ZNF718: variants seen among roughly 807,000 people sequenced by gnomAD.
ZNF718 encodes the protein zinc finger protein 718.
Under a neutral mutation model 2.6 loss-of-function variants are expected in ZNF718, and 3 were observed. The ratio of observed to expected loss-of-function variants is 1.16; its 90% CI spans 0.53 to 3.01. The LOEUF is 3.01. ZNF718 is among the 30% of genes most tolerant of loss of function. The probability of loss-of-function intolerance (pLI) is 0.03; values close to 1 mark genes in which losing one functional copy is unlikely to be tolerated. For synonymous variants in ZNF718, 135 were observed against 77.9 expected (o/e 1.73, Z -3.86); for missense variants, 468 against 230.0 (o/e 2.03, Z -6.69).
intron 3 of ZNF718, among the ~76,000 whole-genome samples, chr4:142,475 T>C (rs1481461270): frequency 6.6e-6 from 1 of 152,142 alleles, no homozygotes; most frequent in African/African-American, 2.4e-5. Context: ...AAACAAAACA[T>C]TGGTTCACTC....
intron 3 of ZNF718, among the ~76,000 whole-genome samples, chr4:148,385 G>A (rs2108793182): frequency 6.6e-6 from 1 of 152,010 alleles, no homozygotes; most frequent in South Asian, 2.1e-4. Context: ...AAGGTGGGCG[G>A]ACCACCTGAG....
intron 3 of ZNF718, among the ~76,000 whole-genome samples, chr4:189,061 T>G (rs1410006023): frequency 7.6e-6 from 1 of 132,060 alleles, no homozygotes; most frequent in African/African-American, 3.6e-5. Flanking sequence ...TGTAGATTAT[T>G]TTTTTTTTTT....
chr4:186,987 T>G (rs1553820540), intron 3 of ZNF718, among the ~76,000 whole-genome samples: 1 of 152,210 alleles, frequency 6.6e-6, no homozygotes, highest in Non-Finnish European at 1.5e-5. Context: ...TGGTGCACCC[T>G]TACTTTTTGA....
chr4:148,763 T>A (rs1716186183), intron 3 of ZNF718, among the ~76,000 whole-genome samples: 1 of 152,070 alleles, frequency 6.6e-6, no homozygotes, highest in African/African-American at 2.4e-5. Flanking sequence ...TTGGGCTAAT[T>A]TATAGATCAC....
At chr4:198,337 G>A (rs1217863965) in intron 3 of ZNF718, among the ~76,000 whole-genome samples, 1 of 152,190 alleles carries the variant, frequency 6.6e-6, no homozygotes, top group African/African-American at 2.4e-5. Flanking sequence ...GAGGCATGAA[G>A]CCCTGTGATT....
At position 157,099 on chromosome 4, in the gene ZNF718, CTTTCTTT is replaced by C. The variant is rs1341359739; in HGVS notation, c.227-3809_227-3803del. Among the ~76,000 whole-genome samples the C allele has an allele frequency of 9.2e-4, 54 of 58,892 alleles. 3 individuals carry two copies. The highest frequency in any genetic ancestry group is 7.0e-3 in the South Asian group (12 of 1,726). 38.6% of individuals were successfully genotyped at this position (58,892 alleles called of 152,430 possible). On this transcript the variant is annotated intron_variant, in intron 3 of 3. Coordinates refer to ENST00000510175, the MANE Select transcript of ZNF718 (RefSeq NM_001039127.6). ...TTTTTTTCTTTTTGTTTCTTTCTTTCTTTCTTTTTTTTTTTTTTTTTTTTTTTTTTTT... is the reference window on the plus strand; with the variant it reads ...TTTTTTTCTTTTTGTTTCTTTCTTTCTTTTTTTTTTTTTTTTTTTTTTTTT...
At chr4:158,778 A>G (rs1553814242) in intron 3 of ZNF718, among the ~76,000 whole-genome samples, 1 of 151,930 alleles carries the variant, frequency 6.6e-6, no homozygotes, top group Non-Finnish European at 1.5e-5. Context: ...TGATAATGAT[A>G]TAGAACTTTA....
intron 3 of ZNF718, among the ~76,000 whole-genome samples, chr4:199,572 AT>A (rs1359867028): frequency 6.6e-6 from 1 of 152,238 alleles, no homozygotes; most frequent in Admixed American, 6.5e-5. Context: ...CTAATTTAGG[AT>A]TTTAGTCCTG....
intron 1 of ZNF718, among the ~76,000 whole-genome samples, 177 bp from the exon 2 acceptor site, chr4:130,611 G>A (rs1715325943): frequency 2.0e-5 from 2 of 102,066 alleles, no homozygotes; most frequent in Non-Finnish European, 2.2e-5. Flanking sequence ...GCATGGTGGC[G>A]GGTGCCTGTA....
intron 3 of ZNF718, among the ~76,000 whole-genome samples, chr4:157,103 C>CTTTTTTTTTTTTTTTTTTT (rs199814257): frequency 1.9e-5 from 2 of 103,142 alleles, no homozygotes; most frequent in African/African-American, 4.0e-5. Flanking sequence ...TTCTTTCTTT[C>CTTTTTTTTTTTTTTTTTTT]TTTTTTTTTT....
chr4:148,586 A>G (rs756829007), intron 3 of ZNF718, among the ~76,000 whole-genome samples: 147,144 of 147,206 alleles, frequency 1, 73,541 homozygotes, highest in Middle Eastern at 1. Flanking sequence ...TCTGCAGCCA[A>G]GGTGACAGAG....
chr4:162,074 C>T lies in ZNF718; in HGVS notation c.1389C>T (p.Tyr463=), dbSNP rs1553815587. 1.3e-6 allele frequency: 1 copy of T among 771,244 alleles called. No individual in the cohort carries two copies. Among genetic ancestry groups the T allele is most frequent in the South Asian group, 1.4e-5 (1 of 73,316 alleles). The allele number at this position is 771,244 out of a possible 1,614,324, so 47.8% of individuals were successfully genotyped here. A position where few individuals can be genotyped will look rare whatever the true frequency, so the allele number is the denominator to read the frequency against. Residue 463 remains tyrosine (Y), a synonymous_variant, in exon 4 of 4, where the codon TAC becomes TAT. Coordinates refer to ENST00000510175, the MANE Select transcript of ZNF718 (RefSeq NM_001039127.6). ...AATGCGGGAAAGCTTTTAAGCAGTA[C>T]TCCAACCTTCCTCAACATAAGAGAA... The part of the protein sequence containing the change: ...CKECGKAFKQ[Y]SNLPQHKRTH...
chr4:146,754 G>T (rs1716083772), intron 3 of ZNF718, among the ~76,000 whole-genome samples: 2 of 149,798 alleles, frequency 1.3e-5, no homozygotes, highest in South Asian at 2.1e-4. Flanking sequence ...ACTTTCAAAT[G>T]ACTTACGTTT....
rs1401555364 is a variant in ZNF718, at chr4:196,007, TCTCTCTCTCTCCC to T, written c.227-5060_227-5048del. ...CCTTTCTCTCTCTGCTTCTCTTTCCTCTCTCTCTCTCCCCTCTCTCTCTCCCTCTCTCTCCCTC... is the reference window on the plus strand; with the variant it reads ...CCTTTCTCTCTCTGCTTCTCTTTCCTCTCTCTCTCTCCCTCTCTCTCCCTC... On this transcript the variant is annotated intron_variant and NMD_transcript_variant, in intron 3 of 4. Transcript: ENST00000642529. Among the ~76,000 whole-genome samples, 10 of 151,856 alleles carry T rather than the reference TCTCTCTCTCTCCC, an allele frequency of 6.6e-5. No homozygotes were observed. The East Asian group carries it at 9.7e-4, about 15-fold the overall frequency.
chr4:167,011 G>A (rs1011289135), downstream of ZNF718, among the ~76,000 whole-genome samples: 6 of 152,114 alleles, frequency 3.9e-5, no homozygotes, highest in East Asian at 3.9e-4. Flanking sequence ...TTAATCCATC[G>A]GGAATTAATT....
intron 3 of ZNF718, among the ~76,000 whole-genome samples, chr4:181,649 A>AT (rs575995987): frequency 3.2e-4 from 48 of 152,114 alleles, no homozygotes; most frequent in African/African-American, 1.1e-3. Flanking sequence ...ATAAAAATCT[A>AT]TTTTTTTCAC....
In ZNF718 at chr4:127,580, C is replaced by T. The variant is rs1479113966; in HGVS notation, c.3+2907C>T. 8.6e-5 allele frequency among the ~76,000 whole-genome samples: 9 copies of T among 104,544 alleles called. 3 individuals are homozygous for T. Among genetic ancestry groups the T allele is most frequent in the Admixed American group, 3.1e-4 (3 of 9,776 alleles). 68.6% of individuals were successfully genotyped at this position (104,544 alleles called of 152,430 possible). A position where few individuals can be genotyped will look rare whatever the true frequency, so the allele number is the denominator to read the frequency against. ...CCTCCAAGACCTAAATGTGCAGTTC[C>T]AAATTCTGAATTTATTTTCTGGGAT... On this transcript the variant is annotated intron_variant, in intron 1 of 3. Coordinates refer to ENST00000510175, the MANE Select transcript of ZNF718 (RefSeq NM_001039127.6).
chr4:173,196 A>G (rs1463887526), intron 3 of ZNF718, among the ~76,000 whole-genome samples: 2 of 151,564 alleles, frequency 1.3e-5, no homozygotes, highest in Non-Finnish European at 2.9e-5. Context: ...CCACCCCTCC[A>G]GCAACTCCGT....
intron 3 of ZNF718, among the ~76,000 whole-genome samples, chr4:140,075 A>G (rs1715746690): frequency 6.6e-6 from 1 of 151,840 alleles, no homozygotes; most frequent in African/African-American, 2.4e-5. Context: ...CGCAGTTCAG[A>G]GCAAACTCGC....
Sources: gnomAD v4.1 joint callset for allele counts (sites outside exome capture counted in the v4.1 genomes callset) on GRCh38, gnomAD v4.1.1 for gene constraint, MANE v1.5 for transcripts, NCBI Gene and HGNC (gene_info 2026-07-23, HGNC 2026-07-21) for gene names.